KALRN: variants seen among roughly 807,000 people sequenced by gnomAD.
KALRN encodes kalirin.
Under a neutral mutation model 353.7 loss-of-function variants are expected in KALRN, and 70 were observed. That is an observed-to-expected ratio of 0.20 (90% CI 0.16 to 0.24). KALRN has a LOEUF of 0.24. KALRN is among the 10% of genes least tolerant of loss of function. The pLI is 1.00. For missense variants in KALRN, 2,791 were observed against 3,756.7 expected, an observed-to-expected ratio of 0.74 and a Z score of 6.72; for synonymous variants, 1,391 against 1,434.8, an observed-to-expected ratio of 0.97 and a Z score of 0.69.
In KALRN at chr3:124,496,002, TATATATATATAC is replaced by T. The variant is rs1561137486; in HGVS notation, c.4833-307_4833-296del. Among the ~76,000 whole-genome samples the T allele has an allele frequency of 1.2e-3, 55 of 45,294 alleles. 6 individuals are homozygous for T. Among genetic ancestry groups the T allele is most frequent in the Non-Finnish European group, 1.1e-3 (30 of 26,188 alleles). 29.7% of individuals were successfully genotyped at this position (45,294 alleles called of 152,430 possible). A position where few individuals can be genotyped will look rare whatever the true frequency, so the allele number is the denominator to read the frequency against. On this transcript the variant is annotated intron_variant, in intron 32 of 59. Transcript: ENST00000682506. Reference sequence around the variant, plus strand: ...ATATATATATATATATATATATATATATATATATATACACACACATATATACATACATACACC... The same window carrying T: ...ATATATATATATATATATATATATATACACACATATATACATACATACACC...
At chr3:124,459,009 A>G (rs572180010) in intron 23 of KALRN, among the ~76,000 whole-genome samples, 2 of 152,326 alleles carry the variant, frequency 1.3e-5, no homozygotes, top group African/African-American at 4.8e-5. Context: ...AGGGAAGGGC[A>G]GGACGTTATT....
chr3:124,150,479 G>A (rs1460580776), intron 1 of KALRN, among the ~76,000 whole-genome samples: 1 of 152,070 alleles, frequency 6.6e-6, no homozygotes, highest in African/African-American at 2.4e-5. Flanking sequence ...CTGGTGTGCT[G>A]CACCCATTAA....
intron 1 of KALRN, among the ~76,000 whole-genome samples, chr3:124,188,615 A>G (rs2074515209): frequency 6.6e-6 from 1 of 152,088 alleles, no homozygotes; most frequent in Non-Finnish European, 1.5e-5. Flanking sequence ...GGATAGGGAG[A>G]ATGAGAGGGG....
intron 34 of KALRN, among the ~76,000 whole-genome samples, chr3:124,612,572 G>A (rs1200634144): frequency 2.0e-5 from 3 of 152,170 alleles, no homozygotes; most frequent in Non-Finnish European, 4.4e-5. Context: ...CCTCACCTCA[G>A]GTGATCTGCC....
At chr3:124,463,749 A>G (rs990431992) in intron 25 of KALRN, among the ~76,000 whole-genome samples, 1 of 152,164 alleles carries the variant, frequency 6.6e-6, no homozygotes, top group Non-Finnish European at 1.5e-5. Flanking sequence ...CCTGGGCTGT[A>G]ATAGGTCCAG....
chr3:124,469,429 A>T (rs2060669754), intron 25 of KALRN, among the ~76,000 whole-genome samples: 2 of 152,230 alleles, frequency 1.3e-5, no homozygotes, highest in African/African-American at 2.4e-5. Context: ...CCCTGAGTGT[A>T]CATGACCCTC....
chr3:124,508,254 G>A (rs2065452721), intron 33 of KALRN, among the ~76,000 whole-genome samples: 1 of 152,172 alleles, frequency 6.6e-6, no homozygotes, highest in African/African-American at 2.4e-5. Context: ...ATAGAACATT[G>A]CTGGCTTTTC....
At chr3:124,672,292 C>T (rs2086568314) in intron 48 of KALRN, among the ~76,000 whole-genome samples, 1 of 152,210 alleles carries the variant, frequency 6.6e-6, no homozygotes, top group Admixed American at 6.5e-5. Context: ...TTAGCAGGAA[C>T]AGCACACTAA....
At chr3:124,642,674 G>A (rs1285234285) in intron 37 of KALRN, among the ~76,000 whole-genome samples, 3 of 152,180 alleles carry the variant, frequency 2.0e-5, no homozygotes, top group Admixed American at 6.5e-5. Context: ...GTCAATAGCC[G>A]GGTGGAGTTA....
At chr3:124,501,251 A>G (rs868511914) in intron 33 of KALRN, among the ~76,000 whole-genome samples, 6 of 152,190 alleles carry the variant, frequency 3.9e-5, no homozygotes, top group African/African-American at 1.4e-4. Context: ...CACTGCTGAA[A>G]CATTTCAGGC....
intron 33 of KALRN, among the ~76,000 whole-genome samples, chr3:124,501,129 A>G (rs1449062093): frequency 6.6e-6 from 1 of 152,214 alleles, no homozygotes; most frequent in Non-Finnish European, 1.5e-5. Flanking sequence ...GATACTCTCC[A>G]TCTGAAAATC....
At chr3:124,094,934 G>C in intron 1 of KALRN, 1 of 1,585,368 alleles carries the variant, frequency 6.3e-7, no homozygotes, top group East Asian at 2.2e-5. Flanking sequence ...GCTTGTATGA[G>C]AGACTGAGAG....
intron 1 of KALRN, among the ~76,000 whole-genome samples, chr3:124,214,940 C>G (rs1488175244): frequency 6.6e-6 from 1 of 152,196 alleles, no homozygotes; most frequent in Non-Finnish European, 1.5e-5. Context: ...GTGGTGGCTT[C>G]TTCATCTCAG....
chr3:124,527,787 A>T (rs1381838126), intron 33 of KALRN, among the ~76,000 whole-genome samples: 2 of 152,114 alleles, frequency 1.3e-5, no homozygotes, highest in African/African-American at 4.8e-5. Context: ...ATCCTTTACC[A>T]GCAGTCAAGA....
intron 34 of KALRN, among the ~76,000 whole-genome samples, chr3:124,580,876 G>A (rs979262704): frequency 2.0e-5 from 3 of 151,928 alleles, no homozygotes; most frequent in African/African-American, 7.3e-5. Context: ...GGGAGGCCGA[G>A]GGGGGCAGAT....
chr3:124,491,631 A>G (rs2108448243), intron 31 of KALRN: 1 of 399,302 alleles, frequency 2.5e-6, no homozygotes, highest in Non-Finnish European at 4.4e-6. Flanking sequence ...CCTCAAGTGC[A>G]TGCACATGTG....
At chr3:124,496,751 A>G (rs1446507550) in intron 33 of KALRN, among the ~76,000 whole-genome samples, 1 of 151,944 alleles carries the variant, frequency 6.6e-6, no homozygotes. Flanking sequence ...TTCTGGGGGG[A>G]TGGATCTCAG....
intron 34 of KALRN, chr3:124,584,994 G>T: frequency 6.8e-7 from 1 of 1,465,778 alleles, no homozygotes; most frequent in Non-Finnish European, 9.2e-7. Flanking sequence ...GGGAAGGGTT[G>T]GGGAGGCCTC....
intron 33 of KALRN, among the ~76,000 whole-genome samples, chr3:124,546,322 G>T (rs2069653238): frequency 6.7e-6 from 1 of 149,960 alleles, no homozygotes; most frequent in African/African-American, 2.5e-5. Context: ...AATTAGCCAG[G>T]TATAGTGGCA....
Sources: allele counts gnomAD v4.1 joint callset (sites outside exome capture counted in the v4.1 genomes callset), GRCh38; gene constraint gnomAD v4.1.1; transcripts MANE v1.5; gene names NCBI Gene and HGNC (gene_info 2026-07-23, HGNC 2026-07-21).